Variants in CNTN5 observed in about 807,000 individuals in gnomAD.
The protein encoded by CNTN5 is contactin-5.
Under a neutral mutation model 129.1 loss-of-function variants are expected in CNTN5, and 77 were observed. The observed-to-expected ratio is 0.60, with a 90% CI of 0.50 to 0.72. The LOEUF (loss-of-function observed/expected upper bound fraction) is 0.72. Ranked by LOEUF, CNTN5 falls within the 30% of genes least tolerant of loss-of-function variation. CNTN5 has a pLI of 0.00. For synonymous variants in CNTN5, 509 were observed against 465.6 expected (o/e 1.09, Z -1.20); for missense variants, 1,478 against 1,328.8 (o/e 1.11, Z -1.75).
intron 21 of CNTN5, among the ~76,000 whole-genome samples, chr11:100,332,720 G>C (rs1413374910): frequency 3.3e-5 from 5 of 152,040 alleles, no homozygotes; most frequent in African/African-American, 7.2e-5. Context: ...AATAGACACA[G>C]AAAAAGCATT....
intron 1 of CNTN5, among the ~76,000 whole-genome samples, chr11:99,283,036 C>T (rs1461786247): frequency 6.6e-6 from 1 of 151,948 alleles, no homozygotes; most frequent in African/African-American, 2.4e-5. Context: ...TGTCATGTGG[C>T]TAATTCAAAT....
intron 1 of CNTN5, among the ~76,000 whole-genome samples, chr11:99,232,333 T>A (rs148492736): frequency 2.1e-3 from 323 of 152,286 alleles, no homozygotes; most frequent in Non-Finnish European, 4.0e-3. Flanking sequence ...CCTTGAGCAG[T>A]GGTTTGTAGT....
chr11:99,516,199 C>T (rs79005329), intron 2 of CNTN5, among the ~76,000 whole-genome samples: 10,004 of 152,020 alleles, frequency 0.066, 364 homozygotes, highest in African/African-American at 0.098. Context: ...TATCCTTAAG[C>T]TAAAATGAGA....
intron 2 of CNTN5, among the ~76,000 whole-genome samples, chr11:99,433,887 T>C (rs563350290): frequency 6.6e-6 from 1 of 152,308 alleles, no homozygotes; most frequent in East Asian, 1.9e-4. Context: ...ACAGCTGCTT[T>C]CCTAGTCACC....
Position 99,729,402 on chromosome 11 carries a change from C to T in CNTN5, c.56-90142C>T, listed in dbSNP as rs527811033. On this transcript the variant is annotated intron_variant, in intron 3 of 24. Transcript: ENST00000524871. ...TGTACGGATTATTTCATCACCCATG[C>T]ATTAAGCCTAGTACCCAATAGTTAT... Among the ~76,000 whole-genome samples, 257 of 152,260 alleles carry T rather than the reference C, an allele frequency of 1.7e-3. 3 individuals are homozygous for T. Among genetic ancestry groups the T allele is most frequent in the African/African-American group, 5.7e-3 (236 of 41,548 alleles).
At chr11:100,204,297 AATATAT>A (rs10633078) in intron 15 of CNTN5, among the ~76,000 whole-genome samples, 228 of 17,638 alleles carry the variant, frequency 0.013, 1 homozygote, top group Middle Eastern at 0.038. Flanking sequence ...AACATTGACT[AATATAT>A]ATATATATAT....
chr11:99,465,982 C>T (rs528981919), intron 2 of CNTN5, among the ~76,000 whole-genome samples: 7 of 149,904 alleles, frequency 4.7e-5, no homozygotes, highest in Admixed American at 1.3e-4. Flanking sequence ...CCTGGGTTCA[C>T]GCCATTCTCC....
intron 13 of CNTN5, among the ~76,000 whole-genome samples, chr11:100,126,458 G>T (rs754568223): frequency 6.6e-6 from 1 of 152,014 alleles, no homozygotes; most frequent in Non-Finnish European, 1.5e-5. Flanking sequence ...TTATGAATCT[G>T]GGTGCTCAGG....
chr11:100,075,536 G>A (rs1015878632), intron 13 of CNTN5, among the ~76,000 whole-genome samples: 1 of 152,116 alleles, frequency 6.6e-6, no homozygotes, highest in African/African-American at 2.4e-5. Context: ...TAGGTTCAGT[G>A]AAGAATAGAG....
intron 13 of CNTN5, among the ~76,000 whole-genome samples, chr11:100,165,637 G>A (rs776772019): frequency 6.6e-6 from 1 of 151,738 alleles, no homozygotes; most frequent in Non-Finnish European, 1.5e-5. Context: ...AAACATAGAA[G>A]TTGAATCATC....
intron 1 of CNTN5, among the ~76,000 whole-genome samples, chr11:99,134,410 A>C (rs907076870): frequency 3.9e-5 from 6 of 152,234 alleles, no homozygotes; most frequent in African/African-American, 1.2e-4. Context: ...AACATAAAAA[A>C]ATAAGTATAA....
At chr11:99,123,153 T>A (rs1215741044) in intron 1 of CNTN5, among the ~76,000 whole-genome samples, 1 of 152,124 alleles carries the variant, frequency 6.6e-6, no homozygotes, top group Non-Finnish European at 1.5e-5. Flanking sequence ...ATAACTTACT[T>A]TCCCACCACC....
intron 13 of CNTN5, among the ~76,000 whole-genome samples, chr11:100,102,466 A>G (rs555343636): frequency 1.3e-5 from 2 of 152,064 alleles, no homozygotes; most frequent in African/African-American, 4.8e-5. Flanking sequence ...GAAGTATAAA[A>G]TATTTAAAAG....
chr11:99,864,693 C>A (rs1483560055), intron 6 of CNTN5, among the ~76,000 whole-genome samples: 1 of 152,102 alleles, frequency 6.6e-6, no homozygotes, highest in Non-Finnish European at 1.5e-5. Flanking sequence ...AAATCGACTT[C>A]TTTTGATAGG....
rs147539236 is a variant in CNTN5 at position 100,317,132 on chromosome 11, G to A, written c.2730+8664G>A. ...TGTGTTTTGCTCTATAAAAGATGTCGTGGTGGGGATTCCTTCAGGGGAGAA... is the reference window on the plus strand; with the variant it reads ...TGTGTTTTGCTCTATAAAAGATGTCATGGTGGGGATTCCTTCAGGGGAGAA... On this transcript the variant is annotated intron_variant, in intron 21 of 24. Transcript: ENST00000524871. Among the ~76,000 whole-genome samples the A allele has an allele frequency of 2.0e-3, 301 of 152,302 alleles. 2 individuals are homozygous for A. Among genetic ancestry groups the A allele is most frequent in the African/African-American group, 6.8e-3 (283 of 41,574 alleles).
intron 3 of CNTN5, among the ~76,000 whole-genome samples, chr11:99,776,239 C>G (rs982415129): frequency 3.3e-5 from 5 of 152,028 alleles, no homozygotes; most frequent in Admixed American, 3.3e-4. Flanking sequence ...GCAGAAGCCA[C>G]ACACACAGCA....
intron 3 of CNTN5, among the ~76,000 whole-genome samples, chr11:99,765,458 C>T (rs1461531820): frequency 6.6e-6 from 1 of 151,774 alleles, no homozygotes; most frequent in Admixed American, 6.6e-5. Context: ...AACTATATTT[C>T]ATAAGTTAAT....
Position 99,778,732 on chromosome 11 carries a change from G to T in CNTN5, c.56-40812G>T, listed in dbSNP as rs375439730. On this transcript the variant is annotated intron_variant, in intron 3 of 24. Transcript: ENST00000524871. ...AGTAATAAACTAAAAAAAAATCAAT[G>T]TATTAATATTATCATCACTATGATT... is the stretch of plus-strand genomic sequence containing the variant. 1.1e-4 allele frequency among the ~76,000 whole-genome samples: 17 copies of T among 151,792 alleles called. No homozygotes were observed. In the East Asian group the frequency reaches 2.7e-3, roughly 24 times the overall value.
At chr11:99,043,877 T>C (rs1378214987) in intron 1 of CNTN5, among the ~76,000 whole-genome samples, 1 of 152,200 alleles carries the variant, frequency 6.6e-6, no homozygotes, top group African/African-American at 2.4e-5. Context: ...CTCTGTAATA[T>C]ACTATTTCAT....
Sources: gnomAD v4.1 joint callset for allele counts (sites outside exome capture counted in the v4.1 genomes callset) on GRCh38, gnomAD v4.1.1 for gene constraint, MANE v1.5 for transcripts, NCBI Gene and HGNC (gene_info 2026-07-23, HGNC 2026-07-21) for gene names.